The following NKIRAS1 variants were observed in gnomAD, a reference collection of about 807,000 sequenced individuals.
NKIRAS1 encodes the protein NF-kappa-B inhibitor-interacting Ras-like protein 1.
NKIRAS1 carries 16 observed loss-of-function variants against 19.8 expected under a neutral mutation model. That is an observed-to-expected ratio of 0.81 (90% CI 0.55 to 1.23). The LOEUF (loss-of-function observed/expected upper bound fraction) is 1.23. Among genes scored for constraint, NKIRAS1 ranks in the 50% most tolerant of loss-of-function variants. NKIRAS1 has a pLI of 0.00. For missense variants in NKIRAS1, 184 were observed against 220.0 expected (o/e 0.84, Z 1.04); for synonymous variants, 88 against 79.0 (o/e 1.11, Z -0.61).
At chr3:23,915,526 T>C (rs1325427557) in intron 1 of NKIRAS1, among the ~76,000 whole-genome samples, 5 of 152,222 alleles carry the variant, frequency 3.3e-5, no homozygotes, top group Non-Finnish European at 5.9e-5. Context: ...TCTGCTTCCA[T>C]TTTTTCTCTC....
chr3:23,919,874 T>C (rs1704975671), upstream of NKIRAS1: 1 of 1,000,156 alleles, frequency 1.0e-6, no homozygotes, highest in Non-Finnish European at 1.2e-6. Context: ...TCTGCTGGTT[T>C]ATTTTCAAGT....
At chr3:23,912,862 TA>T (rs1175783968) in intron 1 of NKIRAS1, among the ~76,000 whole-genome samples, 1 of 152,046 alleles carries the variant, frequency 6.6e-6, no homozygotes, top group Non-Finnish European at 1.5e-5. Flanking sequence ...CTCATGCCTG[TA>T]ATCCCAGCAC....
intron 4 of NKIRAS1, among the ~76,000 whole-genome samples, chr3:23,896,152 A>C (rs1039051874): frequency 2.7e-4 from 41 of 151,114 alleles, no homozygotes; most frequent in African/African-American, 9.7e-4. Context: ...AAAAAAAAAA[A>C]AAAACTTCCA....
intron 1 of NKIRAS1, among the ~76,000 whole-genome samples, chr3:23,939,310 A>T (rs915832590): frequency 2.0e-5 from 3 of 152,244 alleles, no homozygotes; most frequent in African/African-American, 7.2e-5. Flanking sequence ...GATCAAGATA[A>T]AGAGCAGAAA....
chr3:23,914,692 G>A (rs886464037), intron 1 of NKIRAS1, among the ~76,000 whole-genome samples: 7 of 152,128 alleles, frequency 4.6e-5, no homozygotes, highest in African/African-American at 1.4e-4. Context: ...TTGTCCTCAG[G>A]AATCTCAAAA....
rs147440846 is a variant in NKIRAS1 at position 23,906,481 on chromosome 3, CAT to C, written c.94+4328_94+4329del. On this transcript the variant is annotated intron_variant, in intron 3 of 4. Coordinates refer to ENST00000425478, the MANE Select transcript of NKIRAS1 (RefSeq NM_020345.4). The stretch of plus-strand genomic sequence containing the variant: ...TTAAACAACACAGATTTGAACTTCA[CAT>C]GTCTTACATGTAGATTTTCTTTCTC... Among the ~76,000 whole-genome samples, 503 of 152,340 alleles carry C rather than the reference CAT, an allele frequency of 3.3e-3. 1 individual carries two copies. The highest frequency in any genetic ancestry group is 0.011 in the African/African-American group (458 of 41,574).
chr3:23,930,603 ATAAC>A (rs1362935302), intron 1 of NKIRAS1, among the ~76,000 whole-genome samples: 8 of 152,268 alleles, frequency 5.3e-5, no homozygotes, highest in African/African-American at 1.7e-4. Flanking sequence ...TTTACAGACA[ATAAC>A]TAATCTATAT....
chr3:23,890,627 A>G lies in NKIRAS1; in HGVS notation c.*2468T>C, dbSNP rs759443767. On this transcript the variant is annotated 3_prime_UTR_variant, in exon 5 of 5. Transcript: ENST00000425478. ...CATAAATTGGGGTTTCACAATTCTT[A>G]CATTATTTGTCTGTCACAGAAGAGA... The G allele has an allele frequency of 6.2e-7, 1 of 1,608,836 alleles. No homozygotes were observed. The highest frequency in any genetic ancestry group is 8.5e-7 in the Non-Finnish European group (1 of 1,176,678).
chr3:23,936,806 A>G (rs1575133997), intron 1 of NKIRAS1, among the ~76,000 whole-genome samples: 1 of 152,218 alleles, frequency 6.6e-6, no homozygotes, highest in Non-Finnish European at 1.5e-5. Flanking sequence ...TCGGCCTCCC[A>G]AAGTGCTGGG....
intron 3 of NKIRAS1, among the ~76,000 whole-genome samples, chr3:23,905,021 GT>G (rs1298634456): frequency 1.3e-5 from 2 of 152,084 alleles, no homozygotes; most frequent in East Asian, 3.9e-4. Context: ...TAGAGATGGG[GT>G]CTCCTGATGT....
intron 3 of NKIRAS1, among the ~76,000 whole-genome samples, chr3:23,907,157 G>C (rs1383047431): frequency 6.6e-6 from 1 of 152,188 alleles, no homozygotes. Context: ...GCCTCCCAAA[G>C]TGCTGGGATT....
chr3:23,893,156 C>T lies in NKIRAS1; in HGVS notation c.518G>A (p.Ser173Asn), dbSNP rs765041356. Residue 173 changes from serine (S) to asparagine (N), a missense_variant, in exon 5 of 5, where the codon AGC becomes AAC. Transcript: ENST00000425478. ...LLASKLSQPQ[S>N]KSSFPLPGRK... Reference sequence around the variant, plus strand: ...CCCAGGCAAAGGAAAGCTTGATTTGCTCTGGGGTTGAGAAAGTTTACTGGC... The same window carrying T: ...CCCAGGCAAAGGAAAGCTTGATTTGTTCTGGGGTTGAGAAAGTTTACTGGC... 1 of 1,609,852 alleles carries T rather than the reference C, an allele frequency of 6.2e-7. No individual in the cohort carries two copies. Among genetic ancestry groups the T allele is most frequent in the Non-Finnish European group, 8.5e-7 (1 of 1,178,220 alleles).
intron 2 of NKIRAS1, 53 bp downstream of exon 2, chr3:23,911,276 A>T (rs1395508197): frequency 5.6e-6 from 1 of 177,172 alleles, no homozygotes; most frequent in Non-Finnish European, 1.2e-5. Context: ...CAACATGGTG[A>T]AACCCCATCT....
intron 3 of NKIRAS1, among the ~76,000 whole-genome samples, chr3:23,903,363 C>T (rs923695039): frequency 6.6e-6 from 1 of 152,154 alleles, no homozygotes; most frequent in African/African-American, 2.4e-5. Context: ...AATCTGCCTG[C>T]TTCTGCCTCC....
upstream of NKIRAS1, chr3:23,919,678 T>G: frequency 7.9e-6 from 11 of 1,396,754 alleles, no homozygotes; most frequent in Non-Finnish European, 9.3e-6. Flanking sequence ...GTATCTTGTT[T>G]CTAATAAGAT....
rs1324949119 is a variant in NKIRAS1, at chr3:23,905,569, C to G, written c.95-4520G>C. ...TTTCTCAGAAAACTATTTGAGGAGACCCTCCATAAAAACTAATATGTAATC... is the reference window on the plus strand; with the variant it reads ...TTTCTCAGAAAACTATTTGAGGAGAGCCTCCATAAAAACTAATATGTAATC... On this transcript the variant is annotated intron_variant, in intron 3 of 4. Coordinates refer to ENST00000425478, the MANE Select transcript of NKIRAS1 (RefSeq NM_020345.4). 3.3e-5 allele frequency among the ~76,000 whole-genome samples: 5 copies of G among 151,898 alleles called. No individual in the cohort carries two copies. In the East Asian group the frequency reaches 9.6e-4, roughly 29 times the overall value.
upstream of NKIRAS1, chr3:23,920,831 T>G: frequency 2.2e-6 from 2 of 912,484 alleles, no homozygotes; most frequent in Non-Finnish European, 2.6e-6. Flanking sequence ...AATAAATGTC[T>G]ATTAAACTAA....
intron 1 of NKIRAS1, chr3:23,945,631 AG>A (rs777850704): frequency 4.9e-5 from 49 of 1,003,240 alleles, no homozygotes; most frequent in Non-Finnish European, 5.9e-5. Context: ...GGATGGCCGG[AG>A]GGAGCGCTCA....
At chr3:23,915,570 T>G (rs1051672726) in intron 1 of NKIRAS1, among the ~76,000 whole-genome samples, 1 of 152,246 alleles carries the variant, frequency 6.6e-6, no homozygotes, top group African/African-American at 2.4e-5. Flanking sequence ...CCGAGTTATC[T>G]TTTTAAAATG....
Sources: gnomAD v4.1 joint callset for allele counts (sites outside exome capture counted in the v4.1 genomes callset) on GRCh38, gnomAD v4.1.1 for gene constraint, MANE v1.5 for transcripts, NCBI Gene and HGNC (gene_info 2026-07-23, HGNC 2026-07-21) for gene names.